LANCL1: variants seen among roughly 807,000 people sequenced by gnomAD.
LANCL1 encodes the protein glutathione S-transferase LANCL1.
Under a neutral mutation model 50.6 loss-of-function variants are expected in LANCL1, and 50 were observed. The observed-to-expected ratio is 0.99, with a 90% CI of 0.79 to 1.25. LANCL1 has a LOEUF of 1.25. Among genes scored for constraint, LANCL1 ranks in the 50% most tolerant of loss-of-function variants. The pLI is 0.00. For synonymous variants in LANCL1, 188 were observed against 178.6 expected (o/e 1.05, Z -0.42); for missense variants, 532 against 480.7 (o/e 1.11, Z -1.00).
intron 8 of LANCL1, 130 bp downstream of exon 8, chr2:210,436,086 A>G: frequency 1.4e-6 from 1 of 689,878 alleles, no homozygotes. Flanking sequence ...TCATTTTAGT[A>G]GACCATGTTA....
rs746036722 is a variant in LANCL1 at position 210,440,668 on chromosome 2, T to C, written c.620A>G (p.Tyr207Cys). 29 of 1,613,978 alleles carry C rather than the reference T, an allele frequency of 1.8e-5. No individual in the cohort carries two copies. Among genetic ancestry groups the C allele is most frequent in the East Asian group, 4.5e-5 (2 of 44,860 alleles). ...TACATAATATTCCTGGTACCATTCA[T>C]ACATCAGTGGAGACTTTGCCGTGAA... ...RNFTAKSPLM[Y>C]EWYQEYYVGA... is the part of the protein sequence containing the mutation. Residue 207 changes from tyrosine (Y) to cysteine (C), a missense_variant, in exon 6 of 10, where the codon TAT becomes TGT. Physicochemically the swap from Tyr to Cys is radical, Grantham distance 194 (BLOSUM62 -2). Coordinates refer to ENST00000450366, the MANE Select transcript of LANCL1 (RefSeq NM_006055.3).
intron 1 of LANCL1, 37 bp from the exon 2 acceptor site, chr2:210,476,449 T>C (rs917690520): frequency 1.0e-5 from 16 of 1,577,576 alleles, no homozygotes; most frequent in Admixed American, 9.0e-5. Context: ...TAGGTTGAGA[T>C]AGGGGCCTCG....
intron 3 of LANCL1, among the ~76,000 whole-genome samples, chr2:210,466,887 T>A (rs916399137): frequency 6.6e-6 from 1 of 152,004 alleles, no homozygotes; most frequent in Non-Finnish European, 1.5e-5. Flanking sequence ...GTTCAGATAG[T>A]GTGCATGACT....
intron 4 of LANCL1, among the ~76,000 whole-genome samples, chr2:210,443,126 T>C (rs1428818066): frequency 6.6e-6 from 1 of 152,040 alleles, no homozygotes; most frequent in East Asian, 1.9e-4. Flanking sequence ...AGCCCCACCC[T>C]TTTCATCAGA....
intron 3 of LANCL1, among the ~76,000 whole-genome samples, chr2:210,458,094 C>T (rs1693723131): frequency 6.6e-6 from 1 of 152,158 alleles, no homozygotes; most frequent in Admixed American, 6.5e-5. Flanking sequence ...GCAGCTAGAG[C>T]AGTCATCGTC....
chr2:210,444,384 T>C (rs1341595712), intron 4 of LANCL1, among the ~76,000 whole-genome samples: 2 of 152,116 alleles, frequency 1.3e-5, no homozygotes, highest in African/African-American at 2.4e-5. Flanking sequence ...GGAGAAAACA[T>C]TTAAAATGAA....
At chr2:210,462,168 G>T (rs1559718406) in intron 3 of LANCL1, among the ~76,000 whole-genome samples, 1 of 152,172 alleles carries the variant, frequency 6.6e-6, no homozygotes, top group Non-Finnish European at 1.5e-5. Flanking sequence ...GAACCACTCA[G>T]TAGCTGACCA....
chr2:210,474,042 T>C (rs969379061), intron 2 of LANCL1, among the ~76,000 whole-genome samples: 1 of 152,220 alleles, frequency 6.6e-6, no homozygotes, highest in East Asian at 1.9e-4. Context: ...CTCTCAGCCT[T>C]ATGAAGGGAA....
At chr2:210,440,846 A>G in intron 5 of LANCL1, 102 bp from the exon 6 acceptor site, 2 of 972,232 alleles carry the variant, frequency 2.1e-6, no homozygotes, top group Non-Finnish European at 3.0e-6. Flanking sequence ...AACATGACAA[A>G]TTAGACACCA....
At chr2:210,449,374 T>C (rs1693443084) in intron 4 of LANCL1, among the ~76,000 whole-genome samples, 1 of 152,204 alleles carries the variant, frequency 6.6e-6, no homozygotes. Flanking sequence ...GAGCTATCTA[T>C]GACAAGCCCA....
rs73069773 is a variant in LANCL1 at position 210,436,481 on chromosome 2, G to C, written c.874-89C>G. 2.1e-3 allele frequency: 2,701 copies of C among 1,266,986 alleles called. 42 individuals are homozygous for C. In the African/African-American group the frequency reaches 0.037, roughly 17 times the overall value. The allele number at this position is 1,266,986 out of a possible 1,614,324, so 78.5% of individuals were successfully genotyped here. ...TCCTGATAGATAAGAAGGAAAGAGG[G>C]AGATGGCTTGGCAAGAAAGGGTAAA... On this transcript the variant is annotated intron_variant, in intron 7 of 9. Coordinates refer to ENST00000450366, the MANE Select transcript of LANCL1 (RefSeq NM_006055.3).
intron 4 of LANCL1, among the ~76,000 whole-genome samples, chr2:210,446,874 T>C (rs939544003): frequency 2.0e-5 from 3 of 152,016 alleles, no homozygotes; most frequent in African/African-American, 7.2e-5. Flanking sequence ...AAACCTACAT[T>C]TGCTGTACCT....
chr2:210,440,508 C>G (rs1487202090), intron 6 of LANCL1, 90 bp downstream of exon 6: 1 of 1,274,900 alleles, frequency 7.8e-7, no homozygotes, highest in Non-Finnish European at 1.1e-6. Flanking sequence ...GACAGAATGA[C>G]AAACTAGAAC....
In LANCL1 at chr2:210,465,967, T is replaced by C. The variant is rs548709898; in HGVS notation, c.199+5992A>G. Among the ~76,000 whole-genome samples the C allele has an allele frequency of 3.4e-4, 51 of 152,078 alleles. No individual in the cohort carries two copies. The Middle Eastern group carries it at 0.017, about 51-fold the overall frequency. ...ACTGTTTAATGCAAATGCTGTAGGG[T>C]TTATGATCAGGACTACCCTTATTTA... On this transcript the variant is annotated intron_variant, in intron 3 of 9. Transcript: ENST00000450366.
At chr2:210,460,342 T>C (rs1693814564) in intron 3 of LANCL1, 1 of 152,156 alleles carries the variant, frequency 6.6e-6, no homozygotes, top group Non-Finnish European at 1.5e-5. Flanking sequence ...TAACACTCAT[T>C]AGTTTAGAAT....
chr2:210,465,508 A>T (rs1694025588), intron 3 of LANCL1, among the ~76,000 whole-genome samples: 1 of 152,240 alleles, frequency 6.6e-6, no homozygotes, highest in Non-Finnish European at 1.5e-5. Flanking sequence ...AAATTCATGA[A>T]GCCATCACTG....
chr2:210,451,828 T>C (rs1246845547), intron 4 of LANCL1, among the ~76,000 whole-genome samples: 1 of 152,220 alleles, frequency 6.6e-6, no homozygotes, highest in Non-Finnish European at 1.5e-5. Context: ...GGTATATACA[T>C]ATAATGGAAT....
intron 4 of LANCL1, among the ~76,000 whole-genome samples, chr2:210,445,051 G>A (rs910318918): frequency 1.3e-5 from 2 of 151,862 alleles, no homozygotes; most frequent in Admixed American, 1.3e-4. Context: ...AATATCTCAA[G>A]TTTTGATATG....
intron 4 of LANCL1, among the ~76,000 whole-genome samples, chr2:210,447,980 A>C (rs1014016472): frequency 6.6e-6 from 1 of 152,080 alleles, no homozygotes; most frequent in Non-Finnish European, 1.5e-5. Context: ...TTCACGACTT[A>C]AACTCAGCTC....
Sources: gnomAD v4.1 joint callset for allele counts (sites outside exome capture counted in the v4.1 genomes callset) on GRCh38, gnomAD v4.1.1 for gene constraint, MANE v1.5 for transcripts, NCBI Gene and HGNC (gene_info 2026-07-23, HGNC 2026-07-21) for gene names.